Variants in TENM3 observed in about 807,000 individuals in gnomAD.
The protein encoded by TENM3 is teneurin transmembrane protein 3, also known as teneurin-3.
Under a neutral mutation model 255.1 loss-of-function variants are expected in TENM3, and 63 were observed. The ratio of observed to expected loss-of-function variants is 0.25; its 90% CI spans 0.20 to 0.30. TENM3 has a LOEUF of 0.30. TENM3 is among the 10% of genes least tolerant of loss of function. The probability of loss-of-function intolerance (pLI) is 1.00; values close to 1 mark genes in which losing one functional copy is unlikely to be tolerated. For missense variants in TENM3, 2,929 were observed against 3,461.1 expected, an observed-to-expected ratio of 0.85 and a Z score of 3.86; for synonymous variants, 1,306 against 1,322.3, an observed-to-expected ratio of 0.99 and a Z score of 0.27.
At chr4:182,390,654 G>A (rs574617989) in intron 3 of TENM3, among the ~76,000 whole-genome samples, 5 of 152,236 alleles carry the variant, frequency 3.3e-5, no homozygotes, top group East Asian at 1.9e-4. Flanking sequence ...CTCTCCTACC[G>A]CAGTGCCTTG....
At chr4:182,018,776 A>G in the TENM3 span, among the ~76,000 whole-genome samples, 1 of 152,216 alleles carries the variant, frequency 6.6e-6, no homozygotes, top group Non-Finnish European at 1.5e-5. Context: ...TTGAGATTTA[A>G]TAATAGCTAA....
At chr4:181,536,586 G>A in the TENM3 span, among the ~76,000 whole-genome samples, 1 of 152,194 alleles carries the variant, frequency 6.6e-6, no homozygotes, top group Admixed American at 6.5e-5. Context: ...TGTTACAGTA[G>A]AAATAAATCC....
the TENM3 span, among the ~76,000 whole-genome samples, chr4:182,136,856 G>A: frequency 3.9e-5 from 6 of 152,134 alleles, no homozygotes; most frequent in African/African-American, 1.2e-4. Flanking sequence ...TAGTCTTGAC[G>A]CCTAAGATTT....
At chr4:182,575,355 T>A (rs746338836) in intron 3 of TENM3, among the ~76,000 whole-genome samples, 10 of 152,144 alleles carry the variant, frequency 6.6e-5, no homozygotes, top group Admixed American at 2.0e-4. Context: ...GGCCAGATAG[T>A]AAATATTTTA....
At chr4:182,360,040 T>A (rs976776805) in intron 3 of TENM3, among the ~76,000 whole-genome samples, 12 of 152,286 alleles carry the variant, frequency 7.9e-5, no homozygotes, top group South Asian at 2.1e-4. Flanking sequence ...TTTGAGTGAG[T>A]TTCTTAATCC....
intron 1 of TENM3, among the ~76,000 whole-genome samples, chr4:182,160,035 C>T (rs1751010998): frequency 7.2e-6 from 1 of 139,134 alleles, no homozygotes; most frequent in Admixed American, 7.0e-5. Context: ...CGGAGTCTCG[C>T]TCTGTCGCCC....
chr4:181,547,915 C>T, the TENM3 span, among the ~76,000 whole-genome samples: 2 of 152,046 alleles, frequency 1.3e-5, no homozygotes, highest in African/African-American at 2.4e-5. Flanking sequence ...CCCATTAACT[C>T]GTCATTTAAC....
chr4:182,493,351 A>G (rs1251358727), intron 3 of TENM3, among the ~76,000 whole-genome samples: 1 of 152,204 alleles, frequency 6.6e-6, no homozygotes, highest in Non-Finnish European at 1.5e-5. Context: ...AAGTAATATT[A>G]TAAATTGTTA....
chr4:182,434,553 C>T (rs940882553), intron 3 of TENM3, among the ~76,000 whole-genome samples: 17 of 151,606 alleles, frequency 1.1e-4, no homozygotes, highest in Non-Finnish European at 2.2e-4. Context: ...GTCTCAGCTA[C>T]TCGGGAGTCT....
the TENM3 span, among the ~76,000 whole-genome samples, chr4:181,458,511 C>T: frequency 6.6e-6 from 1 of 151,818 alleles, no homozygotes; most frequent in African/African-American, 2.4e-5. Context: ...GAGATGCGTG[C>T]GTAGTAGCTA....
At chr4:182,720,077 CACAA>C (rs953996629) in intron 13 of TENM3, among the ~76,000 whole-genome samples, 5 of 151,412 alleles carry the variant, frequency 3.3e-5, no homozygotes, top group African/African-American at 4.9e-5. Context: ...CACACACACA[CACAA>C]ACAAACTGCA....
intron 18 of TENM3, among the ~76,000 whole-genome samples, chr4:182,741,410 GTTAT>G (rs1204369771): frequency 1.3e-5 from 2 of 152,212 alleles, no homozygotes; most frequent in African/African-American, 4.8e-5. Flanking sequence ...GATGCTGACA[GTTAT>G]TCGTGCGGGC....
At chr4:182,642,665 T>C (rs1752415828) in intron 5 of TENM3, among the ~76,000 whole-genome samples, 1 of 152,222 alleles carries the variant, frequency 6.6e-6, no homozygotes. Flanking sequence ...AGCCATTCTG[T>C]ATCTCCCTCC....
the TENM3 span, among the ~76,000 whole-genome samples, chr4:181,675,956 T>C: frequency 6.6e-6 from 1 of 152,136 alleles, no homozygotes. Context: ...AAAGAGTACA[T>C]AGACAACAGA....
At chr4:181,823,795 T>C in the TENM3 span, among the ~76,000 whole-genome samples, 5 of 152,162 alleles carry the variant, frequency 3.3e-5, no homozygotes, top group African/African-American at 4.8e-5. Context: ...AGGAAACTAT[T>C]GCTTGTAATC....
In TENM3 at chr4:182,789,197, G is replaced by C. The variant is rs372287883; in HGVS notation, c.5409G>C (p.Thr1803=). 9 of 1,613,108 alleles carry C rather than the reference G, an allele frequency of 5.6e-6. No homozygotes were observed. The highest frequency in any genetic ancestry group is 3.3e-4 in the Middle Eastern group (2 of 6,060). ...TTCTACTGAGGATCGCCTACGACAC[G>C]TCTGGGCACCCGACTCTCTGGCTGC... ...RKFLLRIAYD[T]SGHPTLWLPS... Residue 1803 remains threonine, a synonymous_variant, in exon 25 of 28, where the codon ACG becomes ACC. Transcript: ENST00000511685. The surrounding 1 kb of genome is among the most constrained non-coding windows in gnomAD (Gnocchi z 4.4).
the TENM3 span, among the ~76,000 whole-genome samples, chr4:181,797,616 T>TGG: frequency 6.6e-6 from 1 of 152,202 alleles, no homozygotes; most frequent in Non-Finnish European, 1.5e-5. Context: ...CAAGTAAAAC[T>TGG]GGCAGAAGGA....
intron 1 of TENM3, among the ~76,000 whole-genome samples, chr4:182,252,201 A>C (rs1171423658): frequency 6.6e-6 from 1 of 152,066 alleles, no homozygotes; most frequent in Non-Finnish European, 1.5e-5. Flanking sequence ...AAAACAACAA[A>C]AAAATGTGGT....
chr4:181,481,798 T>C, the TENM3 span, among the ~76,000 whole-genome samples: 1 of 152,202 alleles, frequency 6.6e-6, no homozygotes, highest in East Asian at 1.9e-4. Flanking sequence ...ATACGTATTC[T>C]ATGTGTCTAG....
Sources: allele counts gnomAD v4.1 joint callset (sites outside exome capture counted in the v4.1 genomes callset), GRCh38; gene constraint gnomAD v4.1.1; non-coding constraint Gnocchi (gnomAD v3.1); transcripts MANE v1.5; gene names NCBI Gene and HGNC (gene_info 2026-07-23, HGNC 2026-07-21).